ADAMTSL1: variants seen among roughly 807,000 people sequenced by gnomAD.
ADAMTSL1 encodes the protein ADAMTS-like protein 1.
A neutral mutation model predicts 201.8 loss-of-function variants in ADAMTSL1; 126 were observed. That is an observed-to-expected ratio of 0.62 (90% confidence interval 0.54 to 0.72). The LOEUF (loss-of-function observed/expected upper bound fraction) is 0.72, where lower values mean the gene tolerates loss of function less well. Ranked by LOEUF, ADAMTSL1 falls within the 30% of genes least tolerant of loss-of-function variation. ADAMTSL1 has a pLI of 0.00. For synonymous variants in ADAMTSL1, 1,121 were observed against 903.4 expected, an observed-to-expected ratio of 1.24 and a Z score of -4.32; for missense variants, 2,679 against 2,277.8, an observed-to-expected ratio of 1.18 and a Z score of -3.59.
chr9:18,699,991 T>C (rs1444794295), intron 13 of ADAMTSL1, among the ~76,000 whole-genome samples: 1 of 152,196 alleles, frequency 6.6e-6, no homozygotes, highest in Non-Finnish European at 1.5e-5. Context: ...TTCCAGAGAA[T>C]TGTAAACAAC....
At chr9:18,065,072 C>G (rs943223927) in intron 1 of ADAMTSL1, among the ~76,000 whole-genome samples, 3 of 142,256 alleles carry the variant, frequency 2.1e-5, no homozygotes, top group Non-Finnish European at 4.5e-5. Context: ...CAATTCAGTA[C>G]CTTGGGGAAA....
chr9:18,543,195 T>C (rs977533816), intron 3 of ADAMTSL1, among the ~76,000 whole-genome samples: 1 of 152,202 alleles, frequency 6.6e-6, no homozygotes, highest in Non-Finnish European at 1.5e-5. Context: ...CCAAGATGAA[T>C]GTAGGATGGT....
chr9:18,722,314 C>G (rs994856500), intron 15 of ADAMTSL1, among the ~76,000 whole-genome samples: 4 of 152,144 alleles, frequency 2.6e-5, no homozygotes, highest in African/African-American at 9.7e-5. Flanking sequence ...CTTCTAGATA[C>G]TTCTTTTTGA....
intron 1 of ADAMTSL1, among the ~76,000 whole-genome samples, chr9:17,917,288 G>T (rs999239320): frequency 2.6e-5 from 4 of 152,020 alleles, no homozygotes; most frequent in Admixed American, 6.6e-5. Flanking sequence ...CCAGTACAAG[G>T]TTGGATAGAA....
chr9:18,608,884 T>C (rs1158127218), intron 4 of ADAMTSL1, among the ~76,000 whole-genome samples: 3 of 151,674 alleles, frequency 2.0e-5, no homozygotes, highest in Non-Finnish European at 4.4e-5. Context: ...TCGTAACTGA[T>C]TTGCTTTTGG....
At position 18,809,029 on chromosome 9, in the gene ADAMTSL1, C is replaced by T. The variant is rs1035924237; in HGVS notation, c.3806-8080C>T. 6.7e-4 allele frequency among the ~76,000 whole-genome samples: 102 copies of T among 152,244 alleles called. 1 individual carries two copies. The highest frequency in any genetic ancestry group is 6.8e-3 in the Middle Eastern group (2 of 294). On this transcript the variant is annotated intron_variant, in intron 20 of 28. Coordinates refer to ENST00000380548, the MANE Select transcript of ADAMTSL1 (RefSeq NM_001040272.6). The stretch of plus-strand genomic sequence containing the variant: ...AGATACTTATTGAGAATCTACTAGG[C>T]GCCAGGCCTAGGTGATAGAAATAAA...
At chr9:17,988,530 T>G (rs1158760116) in intron 1 of ADAMTSL1, among the ~76,000 whole-genome samples, 1 of 151,724 alleles carries the variant, frequency 6.6e-6, no homozygotes, top group Non-Finnish European at 1.5e-5. Context: ...AATTATTTTA[T>G]ATAAAATCCC....
At chr9:18,059,745 A>G (rs1022547911) in intron 1 of ADAMTSL1, among the ~76,000 whole-genome samples, 8 of 152,132 alleles carry the variant, frequency 5.3e-5, no homozygotes, top group African/African-American at 1.9e-4. Context: ...ATTCTTTTTA[A>G]GCTATAAAAG....
intron 1 of ADAMTSL1, among the ~76,000 whole-genome samples, chr9:17,919,260 T>C (rs1043863595): frequency 3.3e-5 from 5 of 151,736 alleles, no homozygotes; most frequent in African/African-American, 1.2e-4. Context: ...CACTTCCTTT[T>C]TGTAAAAAAA....
At chr9:17,936,245 C>T (rs561183294) in intron 1 of ADAMTSL1, among the ~76,000 whole-genome samples, 2 of 152,098 alleles carry the variant, frequency 1.3e-5, no homozygotes, top group Non-Finnish European at 2.9e-5. Flanking sequence ...TCCTTTGCAA[C>T]TTCACATAAT....
intron 1 of ADAMTSL1, among the ~76,000 whole-genome samples, chr9:18,070,233 G>A (rs1319748802): frequency 6.6e-6 from 1 of 152,182 alleles, no homozygotes; most frequent in Non-Finnish European, 1.5e-5. Flanking sequence ...GTGAAGCTGA[G>A]GGAGGAAAAC....
chr9:18,135,387 A>T (rs149757501), intron 1 of ADAMTSL1, among the ~76,000 whole-genome samples: 2 of 152,302 alleles, frequency 1.3e-5, no homozygotes, highest in African/African-American at 4.8e-5. Flanking sequence ...GAGGCTCAAA[A>T]TGTAAAATGC....
intron 2 of ADAMTSL1, among the ~76,000 whole-genome samples, chr9:18,415,055 A>G (rs1818614144): frequency 6.6e-6 from 1 of 152,232 alleles, no homozygotes; most frequent in Non-Finnish European, 1.5e-5. Flanking sequence ...ACCCAGAAGA[A>G]TCAGACTGAT....
At chr9:18,487,701 A>G (rs961273894) in intron 1 of ADAMTSL1, among the ~76,000 whole-genome samples, 1 of 152,166 alleles carries the variant, frequency 6.6e-6, no homozygotes, top group African/African-American at 2.4e-5. Flanking sequence ...GAATTTCCTA[A>G]CTTTTCATGT....
intron 1 of ADAMTSL1, among the ~76,000 whole-genome samples, chr9:17,978,756 A>T (rs534469255): frequency 3.3e-5 from 5 of 151,818 alleles, no homozygotes; most frequent in Non-Finnish European, 5.9e-5. Flanking sequence ...CTAAATACTT[A>T]CCTTTACCAT....
intron 26 of ADAMTSL1, among the ~76,000 whole-genome samples, chr9:18,903,343 C>T (rs1396098512): frequency 1.3e-5 from 2 of 151,936 alleles, no homozygotes; most frequent in African/African-American, 4.8e-5. Flanking sequence ...AGTAAGAAAA[C>T]ACCAAATACA....
At chr9:18,056,372 C>T (rs967269099) in intron 1 of ADAMTSL1, among the ~76,000 whole-genome samples, 2 of 152,038 alleles carry the variant, frequency 1.3e-5, no homozygotes, top group Admixed American at 1.3e-4. Context: ...TAGACAAGAG[C>T]GTGTTTCAAA....
intron 2 of ADAMTSL1, among the ~76,000 whole-genome samples, chr9:18,168,498 G>A (rs1409349272): frequency 1.3e-4 from 19 of 151,862 alleles, no homozygotes; most frequent in Admixed American, 1.2e-3. Flanking sequence ...GTATATATGT[G>A]CCACATTTTC....
At chr9:18,311,695 C>T (rs1292195461) in intron 2 of ADAMTSL1, among the ~76,000 whole-genome samples, 1 of 152,174 alleles carries the variant, frequency 6.6e-6, no homozygotes, top group Non-Finnish European at 1.5e-5. Flanking sequence ...TGAGCTTGAG[C>T]CAGGGAGCCC....
Sources: allele counts gnomAD v4.1 joint callset (sites outside exome capture counted in the v4.1 genomes callset), GRCh38; gene constraint gnomAD v4.1.1; transcripts MANE v1.5; gene names NCBI Gene and HGNC (gene_info 2026-07-23, HGNC 2026-07-21).